Variants in P2RY14 observed in about 807,000 individuals in gnomAD.
P2RY14 encodes the protein P2Y purinoceptor 14.
In P2RY14, 2 loss-of-function variants were observed where a neutral mutation model predicts 0.9. The observed-to-expected ratio is 2.16, with a 90% CI of 0.88 to 6.79. The LOEUF (loss-of-function observed/expected upper bound fraction) is 6.79. P2RY14 is among the 30% of genes most tolerant of loss of function. P2RY14 has a pLI of 0.05. For missense variants in P2RY14, 378 were observed against 400.1 expected (o/e 0.94, Z 0.47); for synonymous variants, 158 against 147.2 (o/e 1.07, Z -0.53).
chr3:151,215,967 A>G (rs73021144), intron 2 of P2RY14, among the ~76,000 whole-genome samples: 6,919 of 152,030 alleles, frequency 0.046, 481 homozygotes, highest in African/African-American at 0.15. Flanking sequence ...CTTTATCCTC[A>G]AGGCCTCAGC....
chr3:151,250,169 C>T (rs1254654959), intron 1 of P2RY14, among the ~76,000 whole-genome samples: 1 of 152,164 alleles, frequency 6.6e-6, no homozygotes, highest in Non-Finnish European at 1.5e-5. Context: ...TGCCTTCTGT[C>T]CTCAGCACTT....
At chr3:151,255,209 A>G (rs1025954523) in intron 1 of P2RY14, among the ~76,000 whole-genome samples, 1 of 152,194 alleles carries the variant, frequency 6.6e-6, no homozygotes, top group African/African-American at 2.4e-5. Context: ...GGATAGAACT[A>G]TCAGCCATAT....
At chr3:151,271,170 TA>T (rs552050659) in intron 1 of P2RY14, among the ~76,000 whole-genome samples, 17 of 151,990 alleles carry the variant, frequency 1.1e-4, no homozygotes, top group Non-Finnish European at 2.4e-4. Context: ...TACTCTATAA[TA>T]AAAAGACAAA....
At chr3:151,251,560 A>G (rs1736865646) in intron 1 of P2RY14, among the ~76,000 whole-genome samples, 1 of 152,108 alleles carries the variant, frequency 6.6e-6, no homozygotes, top group African/African-American at 2.4e-5. Context: ...GTGGGTCTCT[A>G]ATACTTAAAA....
intron 1 of P2RY14, among the ~76,000 whole-genome samples, chr3:151,242,548 C>G (rs1734413089): frequency 6.6e-6 from 1 of 152,220 alleles, no homozygotes. Flanking sequence ...AGACCTGCAG[C>G]TGAGGGTCCT....
At chr3:151,214,375 A>C (rs1727780522) in intron 2 of P2RY14, 35 bp from the exon 3 acceptor site, 1 of 1,381,566 alleles carries the variant, frequency 7.2e-7, no homozygotes, top group African/African-American at 1.4e-5. Context: ...CTCATAGGGC[A>C]CTTATGGCCT....
chr3:151,232,238 ATT>A (rs1731835967), intron 1 of P2RY14, among the ~76,000 whole-genome samples: 2 of 152,164 alleles, frequency 1.3e-5, no homozygotes, highest in Non-Finnish European at 2.9e-5. Context: ...TACTTAAAAC[ATT>A]GTTTGTAGCT....
At chr3:151,258,900 G>A (rs1049590531) in intron 1 of P2RY14, among the ~76,000 whole-genome samples, 4 of 151,932 alleles carry the variant, frequency 2.6e-5, no homozygotes, top group Admixed American at 6.6e-5. Context: ...AGGTAGAGGA[G>A]GCTTTGTGGA....
intron 1 of P2RY14, among the ~76,000 whole-genome samples, chr3:151,225,219 C>G (rs75166985): frequency 0.19 from 28,712 of 152,092 alleles, 3,004 homozygotes; most frequent in South Asian, 0.3. Flanking sequence ...TTGCTGTTCT[C>G]TCTCTGTAAT....
intron 1 of P2RY14, among the ~76,000 whole-genome samples, chr3:151,230,637 C>T (rs1284286374): frequency 6.7e-6 from 1 of 149,514 alleles, no homozygotes; most frequent in Non-Finnish European, 1.5e-5. Context: ...TGTGTTATTG[C>T]TTTTCTCTTT....
intron 1 of P2RY14, among the ~76,000 whole-genome samples, chr3:151,223,533 G>T (rs979883087): frequency 6.6e-6 from 1 of 152,174 alleles, no homozygotes; most frequent in African/African-American, 2.4e-5. Context: ...CATGTCCTTT[G>T]CAGCAACATG....
intron 1 of P2RY14, chr3:151,248,837 C>G (rs561458164): frequency 6.6e-6 from 1 of 152,104 alleles, no homozygotes; most frequent in Non-Finnish European, 1.5e-5. Flanking sequence ...TAACTGTACT[C>G]TGCATTAGAT....
intron 1 of P2RY14, among the ~76,000 whole-genome samples, chr3:151,262,614 T>G (rs976576602): frequency 2.6e-5 from 4 of 152,192 alleles, no homozygotes; most frequent in African/African-American, 9.6e-5. Flanking sequence ...AAGGGATGCA[T>G]GGGCAATGTA....
At chr3:151,258,966 G>A (rs1376023798) in intron 1 of P2RY14, among the ~76,000 whole-genome samples, 1 of 151,918 alleles carries the variant, frequency 6.6e-6, no homozygotes, top group Non-Finnish European at 1.5e-5. Flanking sequence ...CTTCGCCTTT[G>A]CCACCTGTGA....
chr3:151,213,468 T>TAGTAG lies in P2RY14; in HGVS notation c.844_848dup (p.Ser284TyrfsTer33), dbSNP rs1449431540. The TAGTAG allele has an allele frequency of 6.2e-7, 1 of 1,614,168 alleles. No individual in the cohort carries two copies. The highest frequency in any genetic ancestry group is 1.1e-5 in the South Asian group (1 of 91,068). On this transcript the variant is annotated frameshift_variant, in exon 3 of 3. Coordinates refer to ENST00000309170, the MANE Select transcript of P2RY14 (RefSeq NM_014879.4). LOFTEE classifies it high-confidence loss of function. ...GGTCCAAGCATACATTTGCAGCAGA[T>TAGTAG]AGTAGCAGAGTGAATTCTTTCATAT...
At chr3:151,218,799 G>A (rs1341252327) in intron 2 of P2RY14, among the ~76,000 whole-genome samples, 2 of 146,592 alleles carry the variant, frequency 1.4e-5, no homozygotes, top group East Asian at 2.1e-4. Context: ...CCTGGGAGGC[G>A]GAGGTTGCAG....
At chr3:151,231,804 T>C (rs747745888) in intron 1 of P2RY14, among the ~76,000 whole-genome samples, 8 of 152,234 alleles carry the variant, frequency 5.3e-5, no homozygotes, top group Non-Finnish European at 1.2e-4. Context: ...ATATTGATGG[T>C]GTGGTTAAGC....
chr3:151,260,389 G>T (rs930378511), intron 1 of P2RY14, among the ~76,000 whole-genome samples: 1 of 152,062 alleles, frequency 6.6e-6, no homozygotes, highest in African/African-American at 2.4e-5. Context: ...TTGCTCTGTT[G>T]TCCAGGCTGG....
At chr3:151,223,690 G>A (rs1277194763) in intron 1 of P2RY14, among the ~76,000 whole-genome samples, 2 of 152,182 alleles carry the variant, frequency 1.3e-5, no homozygotes, top group African/African-American at 2.4e-5. Context: ...CTCCAAAGAC[G>A]GGGAGGTAGG....
Sources: gnomAD v4.1 joint callset for allele counts (sites outside exome capture counted in the v4.1 genomes callset) on GRCh38, gnomAD v4.1.1 for gene constraint, MANE v1.5 for transcripts, NCBI Gene and HGNC (gene_info 2026-07-23, HGNC 2026-07-21) for gene names.